NELL1: variants seen among roughly 807,000 people sequenced by gnomAD.
NELL1 encodes the protein protein kinase C-binding protein NELL1.
NELL1 carries 76 observed loss-of-function variants against 107.4 expected under a neutral mutation model. That is an observed-to-expected ratio of 0.71 (90% CI 0.59 to 0.86). The LOEUF (loss-of-function observed/expected upper bound fraction) is 0.86, where lower values mean the gene tolerates loss of function less well. Ranked by LOEUF, NELL1 falls within the 40% of genes least tolerant of loss-of-function variation. NELL1 has a pLI of 0.00. For synonymous variants in NELL1, 353 were observed against 341.2 expected (o/e 1.03, Z -0.38); for missense variants, 1,024 against 1,005.5 (o/e 1.02, Z -0.25).
At chr11:21,264,764 T>C (rs1007215596) in intron 14 of NELL1, among the ~76,000 whole-genome samples, 2 of 151,854 alleles carry the variant, frequency 1.3e-5, no homozygotes, top group Non-Finnish European at 2.9e-5. Flanking sequence ...TGTGTGTGTG[T>C]GCGTGCGTGT....
chr11:21,389,448 AT>A (rs1851818046), intron 15 of NELL1, among the ~76,000 whole-genome samples: 1 of 151,840 alleles, frequency 6.6e-6, no homozygotes. Flanking sequence ...GGATTAGTAA[AT>A]GTCACATTCT....
chr11:20,799,035 G>C (rs76547711), intron 3 of NELL1, among the ~76,000 whole-genome samples: 1 of 111,244 alleles, frequency 9.0e-6, no homozygotes, highest in South Asian at 3.3e-4. Context: ...AGAGGGATGA[G>C]GGATAGGTCA....
chr11:20,830,884 C>G (rs1414148142), intron 3 of NELL1, among the ~76,000 whole-genome samples: 2 of 152,120 alleles, frequency 1.3e-5, no homozygotes, highest in African/African-American at 4.8e-5. Context: ...CCCATATGAT[C>G]CAAACACTTC....
chr11:21,019,194 C>G (rs1172511801), intron 12 of NELL1, among the ~76,000 whole-genome samples: 1 of 152,006 alleles, frequency 6.6e-6, no homozygotes, highest in East Asian at 1.9e-4. Context: ...AATTGCTCTT[C>G]TTACCTCCTA....
intron 12 of NELL1, among the ~76,000 whole-genome samples, chr11:21,002,691 T>C (rs1217825656): frequency 6.6e-6 from 1 of 152,142 alleles, no homozygotes; most frequent in Non-Finnish European, 1.5e-5. Flanking sequence ...ACTGAGAGAA[T>C]TGCCTCATGT....
At chr11:21,043,198 A>T (rs1267796886) in intron 12 of NELL1, among the ~76,000 whole-genome samples, 1 of 152,138 alleles carries the variant, frequency 6.6e-6, no homozygotes, top group Non-Finnish European at 1.5e-5. Context: ...CCAACTTTAA[A>T]AGTATTTATT....
chr11:20,748,706 G>A lies in NELL1; in HGVS notation c.185-34974G>A, dbSNP rs184534438. ...TACTTCACTTAGAACATTGGCCTCCGGCTCCATTCAAGTTGCTGTAAAAGA... is the reference window on the plus strand; with the variant it reads ...TACTTCACTTAGAACATTGGCCTCCAGCTCCATTCAAGTTGCTGTAAAAGA... On this transcript the variant is annotated intron_variant, in intron 2 of 19. Coordinates refer to ENST00000357134, the MANE Select transcript of NELL1 (RefSeq NM_006157.5). Among the ~76,000 whole-genome samples the A allele has an allele frequency of 9.2e-5, 14 of 152,038 alleles. No individual in the cohort carries two copies. The East Asian group carries it at 1.7e-3, about 19-fold the overall frequency.
At chr11:20,953,069 C>T (rs188692395) in intron 11 of NELL1, among the ~76,000 whole-genome samples, 28 of 152,292 alleles carry the variant, frequency 1.8e-4, no homozygotes, top group Non-Finnish European at 2.5e-4. Context: ...ACCCTTTGGC[C>T]ATATCCTTCT....
chr11:21,332,602 T>G (rs973898942), intron 14 of NELL1, among the ~76,000 whole-genome samples: 2 of 152,022 alleles, frequency 1.3e-5, no homozygotes, highest in African/African-American at 2.4e-5. Context: ...TAAATCTTCA[T>G]GGGAAGAAGT....
At chr11:20,974,488 T>G (rs181309394) in intron 12 of NELL1, among the ~76,000 whole-genome samples, 1 of 152,004 alleles carries the variant, frequency 6.6e-6, no homozygotes, top group Non-Finnish European at 1.5e-5. Flanking sequence ...TTTTTTTTTT[T>G]CCCCAGGATA....
intron 3 of NELL1, among the ~76,000 whole-genome samples, chr11:20,830,561 G>A (rs554746751): frequency 5.9e-5 from 9 of 151,974 alleles, no homozygotes; most frequent in Admixed American, 5.2e-4. Flanking sequence ...TGGTATTGAA[G>A]TCATGACCTG....
chr11:20,757,086 C>A (rs1204404150), intron 2 of NELL1, among the ~76,000 whole-genome samples: 1 of 152,128 alleles, frequency 6.6e-6, no homozygotes, highest in East Asian at 1.9e-4. Context: ...TTCTTTCTCT[C>A]CCAACTTTTT....
At chr11:21,240,467 C>CT (rs1858324335) in intron 14 of NELL1, among the ~76,000 whole-genome samples, 1 of 151,918 alleles carries the variant, frequency 6.6e-6, no homozygotes, top group Admixed American at 6.6e-5. Context: ...GCTTAAAGGT[C>CT]TGATAGTGTT....
At chr11:20,880,744 C>A (rs1003595627) in intron 4 of NELL1, among the ~76,000 whole-genome samples, 1 of 152,146 alleles carries the variant, frequency 6.6e-6, no homozygotes, top group Non-Finnish European at 1.5e-5. Context: ...TAAATAGAGT[C>A]CAGTTGGGTG....
intron 15 of NELL1, among the ~76,000 whole-genome samples, chr11:21,440,849 A>C (rs1292294266): frequency 1.3e-5 from 2 of 152,148 alleles, no homozygotes; most frequent in African/African-American, 4.8e-5. Context: ...GAGTGCTAGA[A>C]TGCCATGATT....
rs371250592 is a variant in NELL1, at chr11:21,304,879, G to T, written c.1550-65974G>T. On this transcript the variant is annotated intron_variant, in intron 14 of 19. Coordinates refer to ENST00000357134, the MANE Select transcript of NELL1 (RefSeq NM_006157.5). ...GCACACTTTTTAAAGGAAGATGGGA[G>T]TGGGAGGAGAAGATAGGAAGTAAGG... Among the ~76,000 whole-genome samples, 7 of 152,136 alleles carry T rather than the reference G, an allele frequency of 4.6e-5. No homozygotes were observed. The East Asian group carries it at 1.4e-3, about 29-fold the overall frequency.
Position 20,847,654 on chromosome 11 carries a change from G to A in NELL1, c.407G>A (p.Arg136Lys). The A allele has an allele frequency of 6.2e-7, 1 of 1,613,868 alleles. No individual in the cohort carries two copies. Among genetic ancestry groups the A allele is most frequent in the South Asian group, 1.1e-5 (1 of 91,062 alleles). Residue 136 changes from arginine (R) to lysine (K), a missense_variant, in exon 4 of 20, where the codon AGG (arginine) becomes AAG (lysine). Arg to Lys is a conservative substitution (Grantham distance 26). Transcript: ENST00000357134. ...CACTACATACACAATGGGAAGCCAA[G>A]GACAGAGGCACTTCCTTACCGCATG... is the stretch of plus-strand genomic sequence containing the variant. ...RYHYIHNGKP[R>K]TEALPYRMAD...
intron 10 of NELL1, among the ~76,000 whole-genome samples, chr11:20,938,910 C>CTCTCTCTCTG (rs1850784077): frequency 1.2e-5 from 1 of 81,220 alleles, no homozygotes; most frequent in African/African-American, 6.3e-5. Flanking sequence ...CTCTCTCTGT[C>CTCTCTCTCTG]TCTCTCTCTC....
At chr11:21,419,467 G>A (rs754429948) in intron 15 of NELL1, among the ~76,000 whole-genome samples, 4 of 152,058 alleles carry the variant, frequency 2.6e-5, no homozygotes, top group Non-Finnish European at 5.9e-5. Context: ...TAGGGGTCAC[G>A]GAAATAGAGT....
Sources: gnomAD v4.1 joint callset for allele counts (sites outside exome capture counted in the v4.1 genomes callset) on GRCh38, gnomAD v4.1.1 for gene constraint, MANE v1.5 for transcripts, NCBI Gene and HGNC (gene_info 2026-07-23, HGNC 2026-07-21) for gene names.